The following PAPPA variants were observed in gnomAD, a reference collection of about 807,000 sequenced individuals.
PAPPA encodes the protein pappalysin-1.
A neutral mutation model predicts 164.0 loss-of-function variants in PAPPA; 60 were observed. The observed-to-expected ratio is 0.37, with a 90% CI of 0.30 to 0.45. The LOEUF (loss-of-function observed/expected upper bound fraction) is 0.45. Among genes scored for constraint, PAPPA ranks in the 20% least tolerant of loss-of-function variants. PAPPA has a pLI of 1.00. For synonymous variants in PAPPA, 875 were observed against 814.1 expected (o/e 1.07, Z -1.27); for missense variants, 1,782 against 2,087.3 (o/e 0.85, Z 2.85).
intron 8 of PAPPA, among the ~76,000 whole-genome samples, chr9:116,267,930 T>C (rs146412910): frequency 0.011 from 1,621 of 149,230 alleles, 27 homozygotes; most frequent in African/African-American, 0.038. Context: ...TAAAAAAATA[T>C]TGGCACTGAT....
chr9:116,165,410 A>G (rs1843709652), intron 1 of PAPPA, among the ~76,000 whole-genome samples: 1 of 152,178 alleles, frequency 6.6e-6, no homozygotes. Context: ...CACCCACTCT[A>G]CATTACATCA....
intron 19 of PAPPA, among the ~76,000 whole-genome samples, chr9:116,374,178 GATGATGGTGGTGA>G (rs1475944649): frequency 2.2e-4 from 26 of 115,738 alleles, no homozygotes; most frequent in South Asian, 1.0e-3. Context: ...TGTTGATGAT[GATGATGGTGGTGA>G]TGATGATGGT....
chr9:116,209,937 C>G (rs1242878945), intron 3 of PAPPA, among the ~76,000 whole-genome samples: 2 of 152,196 alleles, frequency 1.3e-5, no homozygotes, highest in Non-Finnish European at 2.9e-5. Context: ...AGGCTGCCCT[C>G]TCCCCATCCC....
intron 10 of PAPPA, among the ~76,000 whole-genome samples, chr9:116,325,839 A>C (rs13297362): frequency 6.6e-6 from 1 of 152,164 alleles, no homozygotes; most frequent in Non-Finnish European, 1.5e-5. Context: ...AGAAAAGTGC[A>C]CTATTTCTGG....
intron 6 of PAPPA, among the ~76,000 whole-genome samples, chr9:116,231,755 C>CTTTTTTTTTTT (rs1844598128): frequency 1.4e-5 from 1 of 70,994 alleles, no homozygotes; most frequent in Non-Finnish European, 2.8e-5. Context: ...TTTTTCTTTT[C>CTTTTTTTTTTT]TTTTCTTTTT....
At chr9:116,362,844 G>A in intron 18 of PAPPA, 105 bp downstream of exon 18, 1 of 1,055,164 alleles carries the variant, frequency 9.5e-7, no homozygotes, top group Non-Finnish European at 1.4e-6. Flanking sequence ...ATGAGTTCCT[G>A]CGTAGGCACT....
intron 19 of PAPPA, among the ~76,000 whole-genome samples, chr9:116,371,232 C>A (rs1272515506): frequency 6.6e-6 from 1 of 152,068 alleles, no homozygotes; most frequent in African/African-American, 2.4e-5. Flanking sequence ...GCCTGGCCAA[C>A]ATGGTGAAAC....
Position 116,353,614 on chromosome 9 carries a change from C to T in PAPPA, c.4176-8C>T, listed in dbSNP as rs1318793322. 6.2e-7 allele frequency: 1 copy of T among 1,612,614 alleles called. No individual in the cohort carries two copies. On this transcript the variant is annotated splice_polypyrimidine_tract_variant and splice_region_variant and intron_variant, in intron 16 of 21. Transcript: ENST00000328252. The stretch of plus-strand genomic sequence containing the variant: ...TGAGATGTCTCCTGTTTGATCCTTT[C>T]CTTGAAGACGGGCCTTCAAGACTCA...
chr9:116,240,383 A>G (rs914470288), intron 7 of PAPPA, among the ~76,000 whole-genome samples: 6 of 152,166 alleles, frequency 3.9e-5, no homozygotes, highest in Non-Finnish European at 8.8e-5. Context: ...AACTTGGATG[A>G]ATTGAAGTCT....
At chr9:116,213,652 C>T (rs935353392) in intron 4 of PAPPA, among the ~76,000 whole-genome samples, 3 of 152,098 alleles carry the variant, frequency 2.0e-5, no homozygotes, top group Non-Finnish European at 2.9e-5. Context: ...AGCTACCAGA[C>T]CCCCATAAAC....
chr9:116,396,232 T>A (rs1258502739), intron 21 of PAPPA, among the ~76,000 whole-genome samples: 8 of 152,232 alleles, frequency 5.3e-5, no homozygotes, highest in African/African-American at 1.7e-4. Flanking sequence ...TATAGAGTTG[T>A]CAAAAGTGTT....
At chr9:116,213,717 T>G (rs1844337939) in intron 4 of PAPPA, among the ~76,000 whole-genome samples, 1 of 152,182 alleles carries the variant, frequency 6.6e-6, no homozygotes. Flanking sequence ...ATTTACTATT[T>G]TTTTTAAAGG....
intron 7 of PAPPA, among the ~76,000 whole-genome samples, chr9:116,240,669 G>A (rs1252856791): frequency 1.3e-5 from 2 of 152,158 alleles, no homozygotes; most frequent in African/African-American, 2.4e-5. Flanking sequence ...ACCCCACAAT[G>A]TAGGTGGTCC....
At chr9:116,373,370 T>C (rs1028754282) in intron 19 of PAPPA, 2 of 151,956 alleles carry the variant, frequency 1.3e-5, no homozygotes, top group Non-Finnish European at 2.9e-5. Flanking sequence ...TTTAAAAAGC[T>C]TACCCTGGAA....
chr9:116,286,642 G>A (rs1407134131), intron 9 of PAPPA: 2 of 151,954 alleles, frequency 1.3e-5, no homozygotes, highest in East Asian at 1.9e-4. Context: ...ACAAAAACTC[G>A]GATTTCACTC....
Position 116,154,476 on chromosome 9 carries a change from C to A in PAPPA, c.304C>A (p.Arg102=). The A allele has an allele frequency of 7.7e-7, 1 of 1,302,542 alleles. No individual in the cohort carries two copies. Among genetic ancestry groups the A allele is most frequent in the South Asian group, 2.1e-5 (1 of 46,590 alleles). The allele number at this position is 1,302,542 out of a possible 1,614,324, so 80.7% of individuals were successfully genotyped here. A position where few individuals can be genotyped will look rare whatever the true frequency, so the allele number is the denominator to read the frequency against. The part of the protein sequence containing the change: ...PPSRALYFSG[R]GEQLRLRADL... Reference sequence around the variant, plus strand: ...GAGCCGGGCGCTCTATTTCAGCGGGCGAGGCGAGCAGCTGCGCCTCCGGGC... The same window carrying A: ...GAGCCGGGCGCTCTATTTCAGCGGGAGAGGCGAGCAGCTGCGCCTCCGGGC... Residue 102 remains arginine, a synonymous_variant, in exon 1 of 22, where the codon CGA becomes AGA. Coordinates refer to ENST00000328252, the MANE Select transcript of PAPPA (RefSeq NM_002581.5). This position sits in a 1 kb window ranked among gnomAD's most constrained non-coding sequence, Gnocchi z 5.2.
At chr9:116,216,034 AT>A (rs930865814) in intron 4 of PAPPA, among the ~76,000 whole-genome samples, 41 of 152,200 alleles carry the variant, frequency 2.7e-4, no homozygotes, top group African/African-American at 8.9e-4. Context: ...GGTAATGTTT[AT>A]TTTTTGTAAC....
chr9:116,179,064 G>A (rs1309226707), intron 1 of PAPPA, among the ~76,000 whole-genome samples: 1 of 152,166 alleles, frequency 6.6e-6, no homozygotes, highest in East Asian at 1.9e-4. Flanking sequence ...GCCTTAAATA[G>A]TTTACAAGGA....
At chr9:116,270,525 G>T (rs1845124089) in intron 8 of PAPPA, among the ~76,000 whole-genome samples, 1 of 152,202 alleles carries the variant, frequency 6.6e-6, no homozygotes, top group African/African-American at 2.4e-5. Context: ...GAGACATGGG[G>T]TTCTAAACCC....
Sources: allele counts gnomAD v4.1 joint callset (sites outside exome capture counted in the v4.1 genomes callset), GRCh38; gene constraint gnomAD v4.1.1; non-coding constraint Gnocchi (gnomAD v3.1); transcripts MANE v1.5; gene names NCBI Gene and HGNC (gene_info 2026-07-23, HGNC 2026-07-21).